Variants in BMP2K observed in about 807,000 individuals in gnomAD.
BMP2K encodes the protein BMP2 inducible kinase, also known as BMP-2-inducible protein kinase.
In BMP2K, 74 loss-of-function variants were observed where a neutral mutation model predicts 116.0. The ratio of observed to expected loss-of-function variants is 0.64; its 90% CI spans 0.53 to 0.77. BMP2K has a LOEUF of 0.77. Ranked by LOEUF, BMP2K falls within the 30% of genes least tolerant of loss-of-function variation. BMP2K has a pLI of 0.00. For synonymous variants in BMP2K, 486 were observed against 502.5 expected, an observed-to-expected ratio of 0.97 and a Z score of 0.44; for missense variants, 1,365 against 1,403.6, an observed-to-expected ratio of 0.97 and a Z score of 0.44.
intron 2 of BMP2K, among the ~76,000 whole-genome samples, chr4:78,827,317 A>G (rs1008105483): frequency 2.0e-5 from 3 of 151,488 alleles, no homozygotes; most frequent in Admixed American, 2.0e-4. Flanking sequence ...GTCAATGTCT[A>G]TTCCTCTCAA....
At chr4:78,867,790 G>A (rs1425129096) in intron 10 of BMP2K, among the ~76,000 whole-genome samples, 1 of 152,170 alleles carries the variant, frequency 6.6e-6, no homozygotes, top group African/African-American at 2.4e-5. Flanking sequence ...CGGGCATGGT[G>A]GCTCACTGCC....
In BMP2K at chr4:78,914,694, G is replaced by C. The variant is rs183725142; in HGVS notation, c.*2661G>C. The C allele has an allele frequency of 3.0e-4, 44 of 148,976 alleles. No individual in the cohort carries two copies. Among genetic ancestry groups the C allele is most frequent in the Non-Finnish European group, 2.1e-4 (14 of 67,322 alleles). The allele number at this position is 148,976 out of a possible 1,614,324, so 9.2% of individuals were successfully genotyped here. A position where few individuals can be genotyped will look rare whatever the true frequency, so the allele number is the denominator to read the frequency against. ...ATTCTGGTTTAAGGAAGGAAGAAAGGTTATTATATATGTACCACTAAGCAA... is the reference window on the plus strand; with the variant it reads ...ATTCTGGTTTAAGGAAGGAAGAAAGCTTATTATATATGTACCACTAAGCAA... On this transcript the variant is annotated 3_prime_UTR_variant, in exon 16 of 16. Transcript: ENST00000502613.
chr4:78,823,349 T>G (rs1037751080), intron 1 of BMP2K, among the ~76,000 whole-genome samples: 1 of 151,948 alleles, frequency 6.6e-6, no homozygotes, highest in Non-Finnish European at 1.5e-5. Flanking sequence ...AGTGACTACA[T>G]AACTTGGTTG....
At chr4:78,862,263 G>A (rs1023132596) in intron 9 of BMP2K, among the ~76,000 whole-genome samples, 1 of 152,022 alleles carries the variant, frequency 6.6e-6, no homozygotes. Flanking sequence ...TATTTCCAAG[G>A]AGTTCACGTT....
At position 78,911,540 on chromosome 4, in the gene BMP2K, A is replaced by G. The variant is rs1455458737; in HGVS notation, c.2993A>G (p.His998Arg). The change falls in exon 16 of 16, where the codon CAT (histidine) becomes CGT (arginine). Residue 998 changes from histidine to arginine, a missense_variant. His to Arg is a conservative substitution (Grantham distance 29, BLOSUM62 0). Around this residue, in one of 3 missense-constraint regions of BMP2K, gnomAD observed 596 missense variants for 623.2 expected, o/e 0.96. Transcript: ENST00000502613. ...TCCAAAAGTAATGGGAAGCGGCATC[A>G]TGGCACGCCAACTAGCACAAAGAAG... ...DMSKSNGKRH[H>R]GTPTSTKKTL... 6.2e-7 allele frequency: 1 copy of G among 1,613,926 alleles called. No individual in the cohort carries two copies. Among genetic ancestry groups the G allele is most frequent in the Admixed American group, 1.7e-5 (1 of 60,012 alleles).
chr4:78,862,783 T>C (rs1731858509), intron 9 of BMP2K, among the ~76,000 whole-genome samples: 1 of 152,110 alleles, frequency 6.6e-6, no homozygotes, highest in South Asian at 2.1e-4. Flanking sequence ...CTTCATTCAC[T>C]TGAATTTCAA....
intron 2 of BMP2K, among the ~76,000 whole-genome samples, chr4:78,829,402 G>GTTTTTTTTT (rs79345386): frequency 3.7e-5 from 5 of 133,854 alleles, no homozygotes; most frequent in South Asian, 2.4e-4. Context: ...ATAGTTTTTT[G>GTTTTTTTTT]TTTTTTTTTT....
At position 78,850,072 on chromosome 4, in the gene BMP2K, G is replaced by A. The variant is rs143509768; in HGVS notation, c.751-852G>A. On this transcript the variant is annotated intron_variant, in intron 6 of 15. Coordinates refer to ENST00000502613, the MANE Select transcript of BMP2K (RefSeq NM_198892.2). Reference sequence around the variant, plus strand: ...AATTTTATACAATTTGGTTAGAATTGGAAATACCCCTTACACTCTTAAGGC... The same window carrying A: ...AATTTTATACAATTTGGTTAGAATTAGAAATACCCCTTACACTCTTAAGGC... Among the ~76,000 whole-genome samples, 135 of 151,630 alleles carry A rather than the reference G, an allele frequency of 8.9e-4. 1 individual carries two copies. The highest frequency in any genetic ancestry group is 1.5e-3 in the Non-Finnish European group (104 of 67,716).
chr4:78,800,840 TTAAG>T (rs1728536058), intron 1 of BMP2K, among the ~76,000 whole-genome samples: 1 of 152,198 alleles, frequency 6.6e-6, no homozygotes, highest in Non-Finnish European at 1.5e-5. Context: ...ATTACATTTA[TTAAG>T]TATCAAATGT....
chr4:78,776,580 G>T lies in BMP2K; in HGVS notation c.37G>T (p.Gly13Cys). The change falls in exon 1 of 16, where the codon GGC becomes TGC. Residue 13 changes from glycine to cysteine, a missense_variant. Gly to Cys is a radical substitution (Grantham distance 159). Coordinates refer to ENST00000502613, the MANE Select transcript of BMP2K (RefSeq NM_198892.2). ...KFSRMPKSEGGSGGGAAGGGA... is the reference protein window; with the variant it reads ...KFSRMPKSEGCSGGGAAGGGA... ...CTCTCGGATGCCCAAGTCGGAGGGC[G>T]GCAGCGGCGGCGGAGCGGCGGGTGG... 1 of 1,161,722 alleles carries T rather than the reference G, an allele frequency of 8.6e-7. No homozygotes were observed. The highest frequency in any genetic ancestry group is 1.1e-6 in the Non-Finnish European group (1 of 938,654). The allele number at this position is 1,161,722 out of a possible 1,614,324, so 72.0% of individuals were successfully genotyped here.
chr4:78,895,830 C>T (rs1358751301), intron 15 of BMP2K, among the ~76,000 whole-genome samples: 2 of 152,040 alleles, frequency 1.3e-5, no homozygotes, highest in African/African-American at 2.4e-5. Flanking sequence ...GGCATGATCA[C>T]GGTTCACTGC....
intron 15 of BMP2K, among the ~76,000 whole-genome samples, chr4:78,894,939 G>A (rs775454378): frequency 6.6e-6 from 1 of 152,152 alleles, no homozygotes; most frequent in Non-Finnish European, 1.5e-5. Context: ...AGGAAAGGGA[G>A]AGAGACACGG....
intron 4 of BMP2K, among the ~76,000 whole-genome samples, chr4:78,843,563 T>C (rs1434475498): frequency 2.0e-5 from 3 of 151,916 alleles, no homozygotes; most frequent in African/African-American, 7.2e-5. Flanking sequence ...AAGTTTATTA[T>C]AAAATGCTTG....
intron 1 of BMP2K, among the ~76,000 whole-genome samples, chr4:78,821,058 A>C (rs1266663075): frequency 6.6e-6 from 1 of 152,098 alleles, no homozygotes; most frequent in Non-Finnish European, 1.5e-5. Flanking sequence ...TCATGACTGC[A>C]ATGTCTTTCT....
intron 1 of BMP2K, among the ~76,000 whole-genome samples, chr4:78,819,950 A>G (rs1729533861): frequency 6.6e-6 from 1 of 152,162 alleles, no homozygotes; most frequent in Admixed American, 6.5e-5. Context: ...CTCAGTATAT[A>G]ATATCTAGGT....
intron 5 of BMP2K, among the ~76,000 whole-genome samples, chr4:78,846,805 G>A (rs1490535935): frequency 2.0e-5 from 3 of 151,572 alleles, no homozygotes; most frequent in African/African-American, 7.3e-5. Context: ...TGAGAGGGTG[G>A]AAGTTTTACT....
chr4:78,853,464 A>G (rs1162755032), intron 7 of BMP2K, among the ~76,000 whole-genome samples: 1 of 152,186 alleles, frequency 6.6e-6, no homozygotes, highest in Non-Finnish European at 1.5e-5. Context: ...GGGATGAGGA[A>G]AGAAGTACTT....
At chr4:78,792,098 T>C (rs535065655) in intron 1 of BMP2K, among the ~76,000 whole-genome samples, 58 of 152,324 alleles carry the variant, frequency 3.8e-4, no homozygotes, top group Non-Finnish European at 7.8e-4. Context: ...TACATCCTTG[T>C]CTCACCAACA....
At chr4:78,884,527 T>C (rs937610471) in intron 14 of BMP2K, among the ~76,000 whole-genome samples, 11 of 152,308 alleles carry the variant, frequency 7.2e-5, no homozygotes, top group African/African-American at 2.2e-4. Flanking sequence ...TAAATACTTA[T>C]ACTTTTGGTC....
Sources: allele counts gnomAD v4.1 joint callset (sites outside exome capture counted in the v4.1 genomes callset), GRCh38; gene constraint gnomAD v4.1.1; regional missense constraint gnomAD v4.1.1; transcripts MANE v1.5; gene names NCBI Gene and HGNC (gene_info 2026-07-23, HGNC 2026-07-21).